ZFHX3: variants seen among roughly 807,000 people sequenced by gnomAD.
ZFHX3 encodes the protein zinc finger homeobox 3.
ZFHX3 carries 42 observed loss-of-function variants against 279.1 expected under a neutral mutation model. The observed-to-expected ratio is 0.15, with a 90% CI of 0.12 to 0.19. The LOEUF (loss-of-function observed/expected upper bound fraction) is 0.19. Ranked by LOEUF, ZFHX3 falls within the 10% of genes least tolerant of loss-of-function variation. The pLI, the probability that ZFHX3 is intolerant of heterozygous loss-of-function variation, is 1.00. For synonymous variants in ZFHX3, 2,293 were observed against 1,957.8 expected (o/e 1.17, Z -4.52); for missense variants, 4,981 against 4,754.0 (o/e 1.05, Z -1.40).
chr16:73,054,081 C>A (rs1441019483), intron 1 of ZFHX3, among the ~76,000 whole-genome samples: 2 of 151,948 alleles, frequency 1.3e-5, no homozygotes, highest in East Asian at 3.9e-4. Context: ...GTGATAAAAC[C>A]AGAAGGAGCC....
At chr16:73,822,314 G>C (rs548445523) in intron 1 of ZFHX3, among the ~76,000 whole-genome samples, 1 of 152,144 alleles carries the variant, frequency 6.6e-6, no homozygotes, top group Admixed American at 6.5e-5. Context: ...CCCAGGAAAG[G>C]CACGATAGTT....
At chr16:72,863,379 A>G (rs2037932985) in intron 4 of ZFHX3, among the ~76,000 whole-genome samples, 1 of 147,910 alleles carries the variant, frequency 6.8e-6, no homozygotes, top group Non-Finnish European at 1.5e-5. Context: ...TTAGCCAGGC[A>G]TGATGGTGCG....
chr16:73,844,729 A>G (rs1294299482), intron 1 of ZFHX3, among the ~76,000 whole-genome samples: 1 of 151,716 alleles, frequency 6.6e-6, no homozygotes. Flanking sequence ...CATGTAGATG[A>G]TAGGTAGATG....
rs1266796328 is a variant in ZFHX3 at position 72,796,415 on chromosome 16, G to A, written c.6267C>T (p.Ser2089=). ...AQPSVPLTQL[S]MPMELPIFSP... ...AGAAGATGGGCAGCTCCATCGGCATGGAGAGCTGGGTGAGCGGCACTGATG... is the reference window on the plus strand; with the variant it reads ...AGAAGATGGGCAGCTCCATCGGCATAGAGAGCTGGGTGAGCGGCACTGATG... Residue 2089 remains serine, a synonymous_variant, in exon 9 of 10, where the codon TCC becomes TCT. Coordinates refer to ENST00000268489, the MANE Select transcript of ZFHX3 (RefSeq NM_006885.4). The A allele has an allele frequency of 6.2e-7, 1 of 1,612,112 alleles. No individual in the cohort carries two copies. The highest frequency in any genetic ancestry group is 1.1e-5 in the South Asian group (1 of 91,074).
intron 1 of ZFHX3, among the ~76,000 whole-genome samples, chr16:73,790,159 T>C (rs150182256): frequency 6.6e-6 from 1 of 152,042 alleles, no homozygotes; most frequent in African/African-American, 2.4e-5. Flanking sequence ...AGGTTAAAAA[T>C]AGTAACAAAA....
intron 1 of ZFHX3, among the ~76,000 whole-genome samples, chr16:73,853,775 C>A (rs1466288489): frequency 6.6e-6 from 1 of 152,124 alleles, no homozygotes; most frequent in Non-Finnish European, 1.5e-5. Flanking sequence ...CAATCCCCAC[C>A]AGTATGCAAT....
rs571118858 is a variant in ZFHX3, at chr16:73,334,155, G to A, written c.-1290-15819C>T. Among the ~76,000 whole-genome samples the A allele has an allele frequency of 1.4e-4, 22 of 152,284 alleles. No individual in the cohort carries two copies. In the South Asian group the frequency reaches 3.7e-3, roughly 26 times the overall value. The stretch of plus-strand genomic sequence containing the variant: ...GCAGCAGGGCCAGGAGAATGGAGTC[G>A]CCACGGCCAGAGGAGGACAGCGTTC... On this transcript the variant is annotated intron_variant, in intron 3 of 17. Coordinates refer to the ZFHX3 transcript ENST00000641206.
chr16:73,128,714 T>C (rs527954091), intron 7 of ZFHX3, among the ~76,000 whole-genome samples: 2 of 152,324 alleles, frequency 1.3e-5, no homozygotes, highest in East Asian at 3.9e-4. Context: ...CAAGCCTCTG[T>C]AGAGTTTGAT....
Position 72,798,540 on chromosome 16 carries a change from A to G in ZFHX3, c.4142T>C (p.Phe1381Ser). 1 of 1,614,170 alleles carries G rather than the reference A, an allele frequency of 6.2e-7. No homozygotes were observed. The highest frequency in any genetic ancestry group is 8.5e-7 in the Non-Finnish European group (1 of 1,180,034). The change falls in exon 9 of 10, where the codon TTT becomes TCT. Residue 1381 changes from phenylalanine to serine, a missense_variant. Around this residue, in one of 7 missense-constraint regions of ZFHX3, gnomAD observed 1,751 missense variants for 1,770.0 expected, o/e 0.99. Transcript: ENST00000268489. ...AGGCCTCTTGGCATGCACTTCATTA[A>G]AATGCGTCTGAAGGGCAGCAGAAGT... Reference protein sequence around the residue: ...FKTSAALQTHFNEVHAKRPQL... With the variant: ...FKTSAALQTHSNEVHAKRPQL...
At chr16:73,187,947 C>T (rs1369453672) in intron 5 of ZFHX3, among the ~76,000 whole-genome samples, 1 of 152,182 alleles carries the variant, frequency 6.6e-6, no homozygotes, top group Non-Finnish European at 1.5e-5. Context: ...CAAGCTCCGC[C>T]TCCCAGGTTC....
At chr16:73,176,247 C>A (rs897940400) in intron 5 of ZFHX3, among the ~76,000 whole-genome samples, 25 of 152,136 alleles carry the variant, frequency 1.6e-4, no homozygotes, top group African/African-American at 5.6e-4. Context: ...TCCTCATCTG[C>A]CAAGTCAGAA....
intron 4 of ZFHX3, among the ~76,000 whole-genome samples, chr16:72,839,633 C>T (rs1426732837): frequency 6.6e-6 from 1 of 151,584 alleles, no homozygotes; most frequent in Non-Finnish European, 1.5e-5. Flanking sequence ...AAGCCCCACC[C>T]CCCCCAAAAA....
At chr16:73,261,962 A>G (rs2013840114) in intron 4 of ZFHX3, among the ~76,000 whole-genome samples, 1 of 152,176 alleles carries the variant, frequency 6.6e-6, no homozygotes, top group Non-Finnish European at 1.5e-5. Context: ...GGCGTGAGCT[A>G]CGGCACCCAG....
rs35019692 is a variant in ZFHX3, at chr16:73,392,418, C to CAAA, written c.-1291+63582_-1291+63584dup. Reference sequence around the variant, plus strand: ...TGGGTGACAGAATGAGACCCTGTCTCAAAAAAAAAAAAAAAAAAAAAAAAA... The same window carrying CAAA: ...TGGGTGACAGAATGAGACCCTGTCTCAAAAAAAAAAAAAAAAAAAAAAAAAAAA... On this transcript the variant is annotated intron_variant, in intron 3 of 17. Transcript: ENST00000641206. Among the ~76,000 whole-genome samples the CAAA allele has an allele frequency of 5.5e-3, 197 of 35,772 alleles. 23 individuals are homozygous for CAAA. The highest frequency in any genetic ancestry group is 0.017 in the African/African-American group (147 of 8,472). The allele number at this position is 35,772 out of a possible 152,430, so 23.5% of individuals were successfully genotyped here. A position where few individuals can be genotyped will look rare whatever the true frequency, so the allele number is the denominator to read the frequency against.
intron 1 of ZFHX3, among the ~76,000 whole-genome samples, chr16:73,835,447 T>TC (rs1456932449): frequency 8.2e-6 from 1 of 121,996 alleles, no homozygotes; most frequent in South Asian, 3.1e-4. Flanking sequence ...TCCTCCACCA[T>TC]CCCTCTTCTG....
At chr16:73,874,263 T>C (rs555586025) in intron 1 of ZFHX3, among the ~76,000 whole-genome samples, 2 of 152,314 alleles carry the variant, frequency 1.3e-5, no homozygotes, top group South Asian at 2.1e-4. Context: ...TAAAAATTTA[T>C]TGCACTGTGA....
chr16:73,830,385 G>A (rs1960961329), intron 1 of ZFHX3, among the ~76,000 whole-genome samples: 1 of 151,874 alleles, frequency 6.6e-6, no homozygotes, highest in East Asian at 1.9e-4. Flanking sequence ...CACGCTGGGA[G>A]CTGTAGACCG....
chr16:73,316,176 G>T (rs1010901272), intron 4 of ZFHX3, among the ~76,000 whole-genome samples: 1 of 152,202 alleles, frequency 6.6e-6, no homozygotes, highest in African/African-American at 2.4e-5. Context: ...AAGACAGCAG[G>T]AGAAAAATCC....
intron 2 of ZFHX3, among the ~76,000 whole-genome samples, chr16:73,516,223 G>C (rs751390429): frequency 1.3e-5 from 2 of 152,210 alleles, no homozygotes; most frequent in Non-Finnish European, 2.9e-5. Context: ...TCGCCTCTTA[G>C]AGTTGGGGCT....
Sources: allele counts gnomAD v4.1 joint callset (sites outside exome capture counted in the v4.1 genomes callset), GRCh38; gene constraint gnomAD v4.1.1; regional missense constraint gnomAD v4.1.1; transcripts MANE v1.5; gene names NCBI Gene and HGNC (gene_info 2026-07-23, HGNC 2026-07-21).